Variants in PCGF6 observed in about 807,000 individuals in gnomAD.
PCGF6 encodes the protein polycomb group ring finger 6, also known as polycomb group RING finger protein 6.
In PCGF6, 24 loss-of-function variants were observed where a neutral mutation model predicts 45.5. The observed-to-expected ratio is 0.53, with a 90% CI of 0.38 to 0.74. The LOEUF is 0.74. Ranked by LOEUF, PCGF6 falls within the 30% of genes least tolerant of loss-of-function variation. PCGF6 has a pLI of 0.00. For missense variants in PCGF6, 356 were observed against 443.2 expected (o/e 0.80, Z 1.77); for synonymous variants, 152 against 162.1 (o/e 0.94, Z 0.47).
rs769878283 is a variant in PCGF6, at chr10:103,308,401, C to CT, written c.997-4441dup. On this transcript the variant is annotated intron_variant, in intron 9 of 9. Transcript: ENST00000369847. ...CAGGGAGACAAAGGAGATTTTAGAG[C>CT]TTTTTTTTTTTTTCTGAGACAGAGT... 2.4e-3 allele frequency among the ~76,000 whole-genome samples: 345 copies of CT among 144,478 alleles called. 1 individual carries two copies. Among genetic ancestry groups the CT allele is most frequent in the African/African-American group, 5.1e-3 (204 of 39,790 alleles). 94.8% of individuals were successfully genotyped at this position (144,478 alleles called of 152,430 possible).
intron 6 of PCGF6, among the ~76,000 whole-genome samples, chr10:103,343,118 C>T (rs1028709369): frequency 9.9e-5 from 15 of 151,894 alleles, no homozygotes; most frequent in African/African-American, 3.1e-4. Flanking sequence ...TTAGTAGAGA[C>T]GGGGTTTCAC....
intron 6 of PCGF6, among the ~76,000 whole-genome samples, chr10:103,336,060 G>A (rs1412493668): frequency 6.6e-6 from 1 of 150,934 alleles, no homozygotes; most frequent in African/African-American, 2.4e-5. Context: ...GAGCTCAGGA[G>A]CTCGAGACCA....
intron 1 of PCGF6, among the ~76,000 whole-genome samples, chr10:103,350,207 G>C (rs915932547): frequency 6.6e-6 from 1 of 150,756 alleles, no homozygotes; most frequent in Non-Finnish European, 1.5e-5. Flanking sequence ...CAGAGAGGGA[G>C]AATCTCTTGA....
chr10:103,344,749 T>C (rs1447357301), intron 6 of PCGF6, among the ~76,000 whole-genome samples: 1 of 151,990 alleles, frequency 6.6e-6, no homozygotes, highest in Non-Finnish European at 1.5e-5. Context: ...TTTGTAATTT[T>C]AGTAGAGACG....
intron 7 of PCGF6, among the ~76,000 whole-genome samples, chr10:103,332,701 C>T (rs1440970337): frequency 1.3e-5 from 2 of 152,182 alleles, no homozygotes; most frequent in South Asian, 2.1e-4. Context: ...GGTGCTTAAA[C>T]CATACAAAAA....
At chr10:103,334,440 T>G (rs1564731530) in intron 6 of PCGF6, among the ~76,000 whole-genome samples, 1 of 152,178 alleles carries the variant, frequency 6.6e-6, no homozygotes, top group African/African-American at 2.4e-5. Flanking sequence ...GTCATCATGA[T>G]GTACAATAGA....
intron 9 of PCGF6, among the ~76,000 whole-genome samples, chr10:103,310,950 C>T (rs751371873): frequency 8.5e-4 from 130 of 152,122 alleles, no homozygotes; most frequent in Admixed American, 2.1e-3. Flanking sequence ...ATCCCTCTGC[C>T]TCAGCCTCCC....
In PCGF6 at chr10:103,345,014, G is replaced by T; in HGVS notation, c.782+10C>A. On this transcript the variant is annotated intron_variant, in intron 6 of 9. Transcript: ENST00000369847. ...CTTTAAGTTAAAAGGTAAATTTTTA[G>T]GGTACTCACCCAATGAACTCCAGTA... is the stretch of plus-strand genomic sequence containing the variant. The T allele has an allele frequency of 6.6e-7, 1 of 1,525,828 alleles. No homozygotes were observed. The highest frequency in any genetic ancestry group is 8.9e-7 in the Non-Finnish European group (1 of 1,118,828). 94.5% of individuals were successfully genotyped at this position (1,525,828 alleles called of 1,614,324 possible).
rs748743394 is a variant in PCGF6 at position 103,347,250 on chromosome 10, C to T, written c.661G>A (p.Val221Ile). The T allele has an allele frequency of 6.2e-7, 1 of 1,606,496 alleles. No homozygotes were observed. Among genetic ancestry groups the T allele is most frequent in the East Asian group, 2.2e-5 (1 of 44,732 alleles). ...CACCCAAACTTACCAGGTTTAGGTA[C>T]TTCTAGACCTCTTTCTTTATAGAAA... ...HDFYKERGLE[V>I]PKPAVPQPVP... The change falls in exon 5 of 10, where the codon GTA becomes ATA. Residue 221 changes from valine (V) to isoleucine (I), a missense_variant. Val to Ile is a conservative substitution (Grantham distance 29). Transcript: ENST00000369847.
At chr10:103,312,167 G>A (rs542028511) in intron 9 of PCGF6, among the ~76,000 whole-genome samples, 4 of 151,498 alleles carry the variant, frequency 2.6e-5, no homozygotes, top group Non-Finnish European at 4.4e-5. Flanking sequence ...GCTGATGCAG[G>A]CAGATCAGGA....
At chr10:103,315,982 GTGTGTGTGTGTGTA>G (rs1445214175) in intron 8 of PCGF6, among the ~76,000 whole-genome samples, 3 of 78,964 alleles carry the variant, frequency 3.8e-5, no homozygotes, top group Non-Finnish European at 8.7e-5. Context: ...GTGTGTGTGT[GTGTGTGTGTGTGTA>G]TATATATATA....
At chr10:103,349,763 C>CCG (rs1251028523) in intron 1 of PCGF6, among the ~76,000 whole-genome samples, 1 of 150,292 alleles carries the variant, frequency 6.7e-6, no homozygotes, top group Non-Finnish European at 1.5e-5. Flanking sequence ...GTGAGCCACA[C>CCG]CGCGCCCAGC....
intron 1 of PCGF6, among the ~76,000 whole-genome samples, chr10:103,349,657 T>C (rs1447286969): frequency 6.6e-6 from 1 of 150,672 alleles, no homozygotes; most frequent in African/African-American, 2.4e-5. Flanking sequence ...CTTTTTGTAT[T>C]TTCAGTAGAG....
chr10:103,313,710 C>G (rs2093165152), intron 9 of PCGF6, among the ~76,000 whole-genome samples: 1 of 152,172 alleles, frequency 6.6e-6, no homozygotes, highest in Non-Finnish European at 1.5e-5. Flanking sequence ...GCCTGAGGGC[C>G]ACAGGTTGGA....
chr10:103,339,085 T>TA (rs1564732930), intron 6 of PCGF6, among the ~76,000 whole-genome samples: 1 of 151,874 alleles, frequency 6.6e-6, no homozygotes, highest in African/African-American at 2.4e-5. Flanking sequence ...TTACCCCCAA[T>TA]AGCCTAACTT....
chr10:103,308,035 A>T (rs1331069994), intron 9 of PCGF6, among the ~76,000 whole-genome samples: 1 of 152,112 alleles, frequency 6.6e-6, no homozygotes, highest in East Asian at 1.9e-4. Context: ...CAGGAGTTCA[A>T]GACCGGCCTG....
intron 9 of PCGF6, among the ~76,000 whole-genome samples, chr10:103,310,748 C>A (rs2093154466): frequency 6.6e-6 from 1 of 152,132 alleles, no homozygotes; most frequent in Non-Finnish European, 1.5e-5. Flanking sequence ...GTCGCCCAGG[C>A]TGGAGTGCAG....
At chr10:103,334,774 C>T (rs1038860300) in intron 6 of PCGF6, among the ~76,000 whole-genome samples, 2 of 152,136 alleles carry the variant, frequency 1.3e-5, no homozygotes, top group African/African-American at 4.8e-5. Flanking sequence ...TGAGAAAGTA[C>T]TATGTGCCAG....
rs1009854203 is a variant in PCGF6 at position 103,339,542 on chromosome 10, G to A, written c.782+5482C>T. On this transcript the variant is annotated intron_variant, in intron 6 of 9. Coordinates refer to ENST00000369847, the MANE Select transcript of PCGF6 (RefSeq NM_001011663.2). ...GCAGTGGCTCACGCCTGTAATCCCAGCACTTTGGGAGGCCAAGGCAGGTGG... is the reference window on the plus strand; with the variant it reads ...GCAGTGGCTCACGCCTGTAATCCCAACACTTTGGGAGGCCAAGGCAGGTGG... Among the ~76,000 whole-genome samples the A allele has an allele frequency of 7.5e-4, 114 of 151,082 alleles. 2 individuals carry two copies. Among genetic ancestry groups the A allele is most frequent in the Non-Finnish European group, 2.1e-4 (14 of 67,764 alleles).
Sources: allele counts gnomAD v4.1 joint callset (sites outside exome capture counted in the v4.1 genomes callset), GRCh38; gene constraint gnomAD v4.1.1; transcripts MANE v1.5; gene names NCBI Gene and HGNC (gene_info 2026-07-23, HGNC 2026-07-21).